ESR1: variants seen among roughly 807,000 people sequenced by gnomAD.
The protein encoded by ESR1 is estrogen receptor 1, also known as estrogen receptor.
A neutral mutation model predicts 52.7 loss-of-function variants in ESR1; 12 were observed. The observed-to-expected ratio is 0.23, with a 90% CI of 0.15 to 0.37. ESR1 has a LOEUF of 0.37. Ranked by LOEUF, ESR1 falls within the 10% of genes least tolerant of loss-of-function variation. ESR1 has a pLI of 1.00. For synonymous variants in ESR1, 305 were observed against 316.8 expected (o/e 0.96, Z 0.39); for missense variants, 584 against 779.7 (o/e 0.75, Z 2.99).
At chr6:151,710,337 T>G (rs901921259) in intron 2 of ESR1, among the ~76,000 whole-genome samples, 11 of 152,032 alleles carry the variant, frequency 7.2e-5, no homozygotes, top group African/African-American at 2.7e-4. Context: ...TTTAAAATAC[T>G]GATCAAAATG....
At chr6:151,739,044 T>C (rs1453036395) in intron 2 of ESR1, among the ~76,000 whole-genome samples, 2 of 152,164 alleles carry the variant, frequency 1.3e-5, no homozygotes, top group Non-Finnish European at 2.9e-5. Context: ...ATATGGATGA[T>C]TGGTAGAGAC....
At chr6:151,856,999 A>G (rs1362573127) in intron 2 of ESR1, among the ~76,000 whole-genome samples, 1 of 152,198 alleles carries the variant, frequency 6.6e-6, no homozygotes, top group Non-Finnish European at 1.5e-5. Flanking sequence ...TTTGTTTCTG[A>G]ATATAAGGCA....
At chr6:152,041,248 G>A (rs2045771327) in intron 5 of ESR1, among the ~76,000 whole-genome samples, 1 of 152,180 alleles carries the variant, frequency 6.6e-6, no homozygotes, top group South Asian at 2.1e-4. Context: ...AGCACCATTG[G>A]ATCTGCCAGG....
At chr6:152,008,735 G>A (rs1264164056) in intron 4 of ESR1, among the ~76,000 whole-genome samples, 2 of 151,338 alleles carry the variant, frequency 1.3e-5, no homozygotes, top group African/African-American at 4.8e-5. Flanking sequence ...TTTCATCATG[G>A]GTGGCAATAT....
In ESR1 at chr6:152,100,112, C is replaced by G. The variant is rs561977706; in HGVS notation, c.*1146C>G. Reference sequence around the variant, plus strand: ...TGGCCCTGCCACAGGCTGCAGCTACCTAGGAACATTCCTTGCAGACCCCGC... The same window carrying G: ...TGGCCCTGCCACAGGCTGCAGCTACGTAGGAACATTCCTTGCAGACCCCGC... On this transcript the variant is annotated 3_prime_UTR_variant, in exon 8 of 8. Transcript: ENST00000206249. The G allele has an allele frequency of 2.5e-6, 1 of 398,854 alleles. No homozygotes were observed. The highest frequency in any genetic ancestry group is 2.1e-5 in the African/African-American group (1 of 48,774). 24.7% of individuals were successfully genotyped at this position (398,854 alleles called of 1,614,324 possible).
At chr6:151,694,045 TCTTA>T (rs1157021438) in intron 1 of ESR1, among the ~76,000 whole-genome samples, 2 of 152,232 alleles carry the variant, frequency 1.3e-5, no homozygotes, top group Non-Finnish European at 2.9e-5. Context: ...TTGGGGCAGC[TCTTA>T]CTTTGTGCGA....
At chr6:151,959,852 C>T (rs2037449919) in intron 4 of ESR1, among the ~76,000 whole-genome samples, 1 of 152,166 alleles carries the variant, frequency 6.6e-6, no homozygotes, top group Non-Finnish European at 1.5e-5. Flanking sequence ...ATAATTACTC[C>T]TGTTGAGAAT....
At chr6:151,722,234 T>C (rs541397222) in intron 2 of ESR1, among the ~76,000 whole-genome samples, 1 of 152,328 alleles carries the variant, frequency 6.6e-6, no homozygotes, top group African/African-American at 2.4e-5. Context: ...TCAGCACTGA[T>C]TGTGTGCACC....
chr6:151,680,098 C>T (rs910732618), intron 1 of ESR1, among the ~76,000 whole-genome samples: 3 of 152,088 alleles, frequency 2.0e-5, no homozygotes, highest in African/African-American at 7.2e-5. Context: ...CATTTATTTC[C>T]CACAGTTCTG....
chr6:151,955,390 T>C (rs1179568762), intron 4 of ESR1, among the ~76,000 whole-genome samples: 1 of 152,214 alleles, frequency 6.6e-6, no homozygotes, highest in Non-Finnish European at 1.5e-5. Flanking sequence ...AAATTTTATG[T>C]TATATACATT....
intron 5 of ESR1, among the ~76,000 whole-genome samples, chr6:152,043,882 TCGTTGCAGGTCAGC>T (rs1265787737): frequency 6.6e-6 from 1 of 152,148 alleles, no homozygotes; most frequent in Non-Finnish European, 1.5e-5. Context: ...CACGTACCTT[TCGTTGCAGGTCAGC>T]CACTCACATG....
At chr6:151,712,950 T>A (rs1424767078) in intron 2 of ESR1, among the ~76,000 whole-genome samples, 2 of 152,238 alleles carry the variant, frequency 1.3e-5, no homozygotes, top group Non-Finnish European at 2.9e-5. Flanking sequence ...CTTTTGCCCA[T>A]TCAGTATAGT....
intron 2 of ESR1, among the ~76,000 whole-genome samples, chr6:151,792,697 C>A (rs763420451): frequency 6.6e-6 from 1 of 152,100 alleles, no homozygotes; most frequent in Non-Finnish European, 1.5e-5. Flanking sequence ...CCTCAGCCTC[C>A]CAGCATGCTG....
rs80347946 is a variant in ESR1 at position 151,666,365 on chromosome 6, C to A, written n.73+9602C>A. 5.4e-4 allele frequency among the ~76,000 whole-genome samples: 82 copies of A among 152,240 alleles called. No homozygotes were observed. The East Asian group carries it at 0.015, about 28-fold the overall frequency. On this transcript the variant is annotated intron_variant and non_coding_transcript_variant, in intron 1 of 2. Coordinates refer to the ESR1 transcript ENST00000473497. ...AACACCTTCACAGTACATTTTCTTGCTAATAATCCCAACCATTTCTACAGG... is the reference window on the plus strand; with the variant it reads ...AACACCTTCACAGTACATTTTCTTGATAATAATCCCAACCATTTCTACAGG...
chr6:151,969,912 A>G (rs1282408936), intron 4 of ESR1, among the ~76,000 whole-genome samples: 1 of 150,100 alleles, frequency 6.7e-6, no homozygotes, highest in African/African-American at 2.5e-5. Context: ...AAAACACAAC[A>G]AATTTTTTTT....
At chr6:152,070,689 T>C (rs138978746) in intron 6 of ESR1, among the ~76,000 whole-genome samples, 1,943 of 138,818 alleles carry the variant, frequency 0.014, 249 homozygotes, top group Admixed American at 0.024. Context: ...GCAAACTCCC[T>C]GCGTTGAGTT....
intron 2 of ESR1, among the ~76,000 whole-genome samples, chr6:151,794,830 A>G (rs1468075726): frequency 6.6e-6 from 1 of 152,148 alleles, no homozygotes; most frequent in Admixed American, 6.5e-5. Context: ...AACATTGCTA[A>G]TTTGTACCAA....
chr6:152,124,735 A>T (rs2052752753), intron 6 of ESR1, among the ~76,000 whole-genome samples: 1 of 152,252 alleles, frequency 6.6e-6, no homozygotes, highest in Non-Finnish European at 1.5e-5. Flanking sequence ...TAGAACATAA[A>T]AGAAGTATGT....
At chr6:151,660,098 A>C (rs1582829795) in intron 1 of ESR1, among the ~76,000 whole-genome samples, 1 of 152,364 alleles carries the variant, frequency 6.6e-6, no homozygotes, top group African/African-American at 2.4e-5. Flanking sequence ...CAGAATGGAC[A>C]TTCATTACAT....
Sources: gnomAD v4.1 joint callset for allele counts (sites outside exome capture counted in the v4.1 genomes callset) on GRCh38, gnomAD v4.1.1 for gene constraint, MANE v1.5 for transcripts, NCBI Gene and HGNC (gene_info 2026-07-23, HGNC 2026-07-21) for gene names.